Variants in PSTPIP2 observed in about 807,000 individuals in gnomAD.
PSTPIP2 encodes proline-serine-threonine phosphatase interacting protein 2, also known as proline-serine-threonine phosphatase-interacting protein 2.
In PSTPIP2, 33 loss-of-function variants were observed where a neutral mutation model predicts 63.3. That is an observed-to-expected ratio of 0.52 (90% CI 0.40 to 0.70). The LOEUF (loss-of-function observed/expected upper bound fraction) is 0.70, where lower values mean the gene tolerates loss of function less well. Ranked by LOEUF, PSTPIP2 falls within the 30% of genes least tolerant of loss-of-function variation. The probability of loss-of-function intolerance (pLI) is 0.00; values close to 1 mark genes in which losing one functional copy is unlikely to be tolerated. For synonymous variants in PSTPIP2, 125 were observed against 132.7 expected, an observed-to-expected ratio of 0.94 and a Z score of 0.40; for missense variants, 312 against 400.7, an observed-to-expected ratio of 0.78 and a Z score of 1.89.
rs557738568 is a variant in PSTPIP2, at chr18:46,065,628, G to A, written c.33+6528C>T. Among the ~76,000 whole-genome samples, 771 of 152,202 alleles carry A rather than the reference G, an allele frequency of 5.1e-3. 2 individuals are homozygous for A. The highest frequency in any genetic ancestry group is 0.018 in the African/African-American group (737 of 41,554). Reference sequence around the variant, plus strand: ...ACTACAGGCACCCACCACCACGCCCGGCTAATTTTTGTATTTTTAGTAGAG... The same window carrying A: ...ACTACAGGCACCCACCACCACGCCCAGCTAATTTTTGTATTTTTAGTAGAG... On this transcript the variant is annotated intron_variant, in intron 1 of 14. Coordinates refer to ENST00000409746, the MANE Select transcript of PSTPIP2 (RefSeq NM_024430.4).
In PSTPIP2 at chr18:46,033,698, G is replaced by GA. The variant is rs35450100; in HGVS notation, c.134+6248dup. Among the ~76,000 whole-genome samples the GA allele has an allele frequency of 7.5e-3, 778 of 103,054 alleles. 7 individuals are homozygous for GA. The highest frequency in any genetic ancestry group is 0.025 in the African/African-American group (638 of 25,906). 67.6% of individuals were successfully genotyped at this position (103,054 alleles called of 152,430 possible). ...GGGGGACAGAGTGAGACTCCATCTC[G>GA]AAAAAAAAAAAAAAAAAAGACAATG... On this transcript the variant is annotated intron_variant, in intron 2 of 14. Transcript: ENST00000409746.
chr18:45,991,031 T>C (rs1599693180), intron 12 of PSTPIP2, among the ~76,000 whole-genome samples: 1 of 152,122 alleles, frequency 6.6e-6, no homozygotes, highest in Admixed American at 6.5e-5. Flanking sequence ...CTTAGCTGGG[T>C]AGGAAAGACT....
At chr18:46,048,782 T>G (rs1306117448) in intron 1 of PSTPIP2, among the ~76,000 whole-genome samples, 2 of 152,218 alleles carry the variant, frequency 1.3e-5, no homozygotes, top group African/African-American at 4.8e-5. Flanking sequence ...AAATGTTTTC[T>G]TCTTTTGCTA....
intron 1 of PSTPIP2, among the ~76,000 whole-genome samples, chr18:46,067,572 T>C (rs1262076686): frequency 1.3e-5 from 2 of 151,858 alleles, no homozygotes; most frequent in Admixed American, 6.6e-5. Context: ...TAACTTAGTG[T>C]GTAAACAAAC....
intron 2 of PSTPIP2, among the ~76,000 whole-genome samples, chr18:46,026,827 G>T (rs932191504): frequency 6.6e-6 from 1 of 152,136 alleles, no homozygotes; most frequent in African/African-American, 2.4e-5. Context: ...GTTCAAGGCT[G>T]CAGCGCACTA....
At chr18:46,017,364 G>A (rs781343974) in intron 3 of PSTPIP2, among the ~76,000 whole-genome samples, 4 of 152,034 alleles carry the variant, frequency 2.6e-5, no homozygotes, top group Non-Finnish European at 5.9e-5. Flanking sequence ...GACTATTCTT[G>A]TGTACTTGTG....
At chr18:46,064,935 A>G (rs7238347) in intron 1 of PSTPIP2, among the ~76,000 whole-genome samples, 94,192 of 151,302 alleles carry the variant, frequency 0.62, 29,588 homozygotes, top group African/African-American at 0.7. Context: ...ACCTGAGGTC[A>G]GGGGTTCAAG....
intron 6 of PSTPIP2, among the ~76,000 whole-genome samples, chr18:46,001,145 T>C (rs753570976): frequency 6.6e-6 from 1 of 152,230 alleles, no homozygotes; most frequent in African/African-American, 2.4e-5. Context: ...GTAAGTCTAT[T>C]TGTAGTTTTT....
intron 2 of PSTPIP2, among the ~76,000 whole-genome samples, chr18:46,030,600 A>G (rs1907756109): frequency 6.6e-6 from 1 of 152,234 alleles, no homozygotes; most frequent in Non-Finnish European, 1.5e-5. Flanking sequence ...TTGAGGCTCA[A>G]TAATTGTCCT....
At chr18:46,054,105 T>TG (rs754485982) in intron 1 of PSTPIP2, among the ~76,000 whole-genome samples, 2 of 152,196 alleles carry the variant, frequency 1.3e-5, no homozygotes, top group African/African-American at 2.4e-5. Context: ...ATACTCACAC[T>TG]GGTGAGTATT....
In PSTPIP2 at chr18:46,061,360, C is replaced by T. The variant is rs143056848; in HGVS notation, c.33+10796G>A. On this transcript the variant is annotated intron_variant, in intron 1 of 14. Transcript: ENST00000409746. ...GTTCATGACCAAAATGAGGCTGCTT[C>T]GCACTGAGAAACAATAGCTCTAAGT... 8.0e-3 allele frequency among the ~76,000 whole-genome samples: 1,216 copies of T among 151,998 alleles called. 15 individuals are homozygous for T. Among genetic ancestry groups the T allele is most frequent in the Middle Eastern group, 0.021 (6 of 292 alleles).
chr18:46,007,388 G>A (rs760102434), intron 5 of PSTPIP2, among the ~76,000 whole-genome samples: 12 of 152,232 alleles, frequency 7.9e-5, no homozygotes, highest in East Asian at 3.8e-4. Flanking sequence ...TGCTAATGGC[G>A]AAGGCAGCAG....
chr18:46,041,679 A>G (rs1908200466), intron 1 of PSTPIP2, among the ~76,000 whole-genome samples: 1 of 152,184 alleles, frequency 6.6e-6, no homozygotes, highest in South Asian at 2.1e-4. Context: ...CCAAACCAAC[A>G]AATCAGTCCA....
intron 1 of PSTPIP2, among the ~76,000 whole-genome samples, chr18:46,058,396 G>A (rs897168475): frequency 1.3e-5 from 2 of 151,290 alleles, no homozygotes; most frequent in African/African-American, 2.4e-5. Context: ...TCACTCTGTC[G>A]CCCAGGCTGG....
chr18:46,029,479 T>A (rs751628796), intron 2 of PSTPIP2: 7 of 1,013,348 alleles, frequency 6.9e-6, no homozygotes, highest in Non-Finnish European at 1.1e-5. Flanking sequence ...ATTAAGGCAG[T>A]TTATATGGAT....
intron 2 of PSTPIP2, among the ~76,000 whole-genome samples, chr18:46,035,767 C>T (rs1052658161): frequency 3.9e-5 from 6 of 152,084 alleles, no homozygotes; most frequent in African/African-American, 7.2e-5. Flanking sequence ...TATGAGACCC[C>T]CATCCTCACC....
chr18:46,039,233 TAAG>T (rs1908097056), intron 2 of PSTPIP2, among the ~76,000 whole-genome samples: 1 of 152,296 alleles, frequency 6.6e-6, no homozygotes, highest in South Asian at 2.1e-4. Context: ...TCCACAAAAC[TAAG>T]TTTTGTTTTT....
intron 2 of PSTPIP2, among the ~76,000 whole-genome samples, chr18:46,037,927 T>C (rs1908042457): frequency 6.6e-6 from 1 of 152,252 alleles, no homozygotes; most frequent in Non-Finnish European, 1.5e-5. Flanking sequence ...CTCCATTTAT[T>C]TCCTACTCTT....
chr18:45,995,516 G>A (rs1335046296), intron 9 of PSTPIP2, among the ~76,000 whole-genome samples: 1 of 152,206 alleles, frequency 6.6e-6, no homozygotes, highest in African/African-American at 2.4e-5. Flanking sequence ...CTAAGAGTGT[G>A]GAGTTACAGA....
Sources: gnomAD v4.1 joint callset for allele counts (sites outside exome capture counted in the v4.1 genomes callset) on GRCh38, gnomAD v4.1.1 for gene constraint, MANE v1.5 for transcripts, NCBI Gene and HGNC (gene_info 2026-07-23, HGNC 2026-07-21) for gene names.